SLC5A8: variants seen among roughly 807,000 people sequenced by gnomAD.
SLC5A8 encodes the protein solute carrier family 5 member 8.
SLC5A8 carries 55 observed loss-of-function variants against 71.9 expected under a neutral mutation model. That is an observed-to-expected ratio of 0.77 (90% CI 0.62 to 0.96). SLC5A8 has a LOEUF of 0.96. Among genes scored for constraint, SLC5A8 ranks in the 40% least tolerant of loss-of-function variants. The pLI is 0.00. For missense variants in SLC5A8, 701 were observed against 745.3 expected (o/e 0.94, Z 0.69); for synonymous variants, 307 against 276.1 (o/e 1.11, Z -1.11).
At position 101,186,180 on chromosome 12, in the gene SLC5A8, C is replaced by T. The variant is rs565060923; in HGVS notation, c.963+1206G>A. ...TTCATGATACAAACTACAGACAATACAGATTGATAACAGTCACAAAATATT... is the reference window on the plus strand; with the variant it reads ...TTCATGATACAAACTACAGACAATATAGATTGATAACAGTCACAAAATATT... On this transcript the variant is annotated intron_variant, in intron 7 of 14. Transcript: ENST00000536262. Among the ~76,000 whole-genome samples the T allele has an allele frequency of 6.8e-5, 10 of 146,024 alleles. No homozygotes were observed. In the East Asian group the frequency reaches 2.1e-3, roughly 31 times the overall value.
chr12:101,182,855 AG>A lies in SLC5A8; in HGVS notation c.1112del (p.Pro371LeufsTer18). Reference sequence around the variant, plus strand: ...ACCTTTCTGAGAGCGATCTGAAGTAAGGTTTGATTAGATCTTCCACAGTTAC... The same window carrying A: ...ACCTTTCTGAGAGCGATCTGAAGTAAGTTTGATTAGATCTTCCACAGTTAC... ...AAVTVEDLIKPYFRSLSERSL... is the reference protein window; with the variant it reads ...AAVTVEDLIKXYFRSLSERSL... On this transcript the variant is annotated frameshift_variant, in exon 9 of 15. Transcript: ENST00000536262. LOFTEE classifies it high-confidence loss of function. 1.3e-6 allele frequency: 2 copies of A among 1,595,276 alleles called. No individual in the cohort carries two copies. Among genetic ancestry groups the A allele is most frequent in the Non-Finnish European group, 1.7e-6 (2 of 1,173,234 alleles).
chr12:101,190,564 A>C lies in SLC5A8; in HGVS notation c.737T>G (p.Ile246Ser), dbSNP rs760081694. ...PLQRHTFWTI[I>S]IGGTFTWTSI... ...GGTCCATGTGAAGGTCCCTCCTATA[A>C]TAATTGTCCAGAAGGTGTGTCTTTG... The change falls in exon 6 of 15, where the codon ATT becomes AGT. Residue 246 changes from isoleucine (I) to serine (S), a missense_variant. By Grantham distance (142) the Ile-to-Ser change is moderately radical. Transcript: ENST00000536262. 2 of 1,613,360 alleles carry C rather than the reference A, an allele frequency of 1.2e-6. No individual in the cohort carries two copies. The highest frequency in any genetic ancestry group is 1.3e-5 in the African/African-American group (1 of 75,008).
chr12:101,155,982 A>G lies in SLC5A8; in HGVS notation c.*1297T>C, dbSNP rs1355308848. ...AAATTGAGTTTAAAAAAGAACTTTT[A>G]AACAGTATCTAATGTGGGAACTGTA... On this transcript the variant is annotated 3_prime_UTR_variant, in exon 15 of 15. Transcript: ENST00000536262. The G allele has an allele frequency of 1.3e-5, 2 of 152,148 alleles. No individual in the cohort carries two copies. Among genetic ancestry groups the G allele is most frequent in the Non-Finnish European group, 2.9e-5 (2 of 68,026 alleles). 9.4% of individuals were successfully genotyped at this position (152,148 alleles called of 1,614,324 possible). A position where few individuals can be genotyped will look rare whatever the true frequency, so the allele number is the denominator to read the frequency against.
At chr12:101,161,922 G>A in intron 13 of SLC5A8, 52 bp downstream of exon 13, 1 of 1,271,750 alleles carries the variant, frequency 7.9e-7, no homozygotes, top group East Asian at 2.3e-5. Context: ...AACAGATACA[G>A]TAAAAACTGA....
intron 1 of SLC5A8, among the ~76,000 whole-genome samples, chr12:101,206,797 G>A (rs139109446): frequency 6.6e-6 from 1 of 152,202 alleles, no homozygotes; most frequent in Non-Finnish European, 1.5e-5. Context: ...CACAGATTTA[G>A]TTGGCTCCAG....
In SLC5A8 at chr12:101,195,632, A is replaced by G. The variant is rs539868833; in HGVS notation, c.470-470T>C. ...GACAACACGAAAGGATTCAAATGTA[A>G]TCTTTATAACATTGCAGATTGCGGA... is the stretch of plus-strand genomic sequence containing the variant. On this transcript the variant is annotated intron_variant, in intron 3 of 14. Transcript: ENST00000536262. Among the ~76,000 whole-genome samples the G allele has an allele frequency of 2.1e-4, 32 of 152,160 alleles. No homozygotes were observed. In the South Asian group the frequency reaches 6.4e-3, roughly 31 times the overall value.
rs2051665021 is a variant in SLC5A8 at position 101,156,629 on chromosome 12, C to T, written c.*650G>A. The T allele has an allele frequency of 6.6e-6, 1 of 152,218 alleles. No individual in the cohort carries two copies. Among genetic ancestry groups the T allele is most frequent in the African/African-American group, 2.4e-5 (1 of 41,442 alleles). 9.4% of individuals were successfully genotyped at this position (152,218 alleles called of 1,614,324 possible). On this transcript the variant is annotated 3_prime_UTR_variant, in exon 15 of 15. Coordinates refer to ENST00000536262, the MANE Select transcript of SLC5A8 (RefSeq NM_145913.5). ...GCCAAAGCCCAGAAACTCTAGAAAACAAGCCAAAAGGCACAAGAATTAATG... is the reference window on the plus strand; with the variant it reads ...GCCAAAGCCCAGAAACTCTAGAAAATAAGCCAAAAGGCACAAGAATTAATG...
chr12:101,200,589 G>T (rs1869417830), intron 3 of SLC5A8, among the ~76,000 whole-genome samples: 1 of 152,046 alleles, frequency 6.6e-6, no homozygotes, highest in South Asian at 2.1e-4. Context: ...ACACTGACTT[G>T]ATATGAAATT....
intron 2 of SLC5A8, 93 bp downstream of exon 2, chr12:101,204,407 T>A: frequency 9.2e-7 from 1 of 1,088,416 alleles, no homozygotes; most frequent in South Asian, 1.4e-5. Flanking sequence ...CTCTTTTTTG[T>A]CTTTTATGTG....
intron 3 of SLC5A8, among the ~76,000 whole-genome samples, chr12:101,201,506 G>A (rs369674876): frequency 6.6e-6 from 1 of 152,182 alleles, no homozygotes; most frequent in African/African-American, 2.4e-5. Flanking sequence ...AAAGGGCATG[G>A]TGTTTCCCCA....
chr12:101,187,950 G>C (rs191168480), intron 6 of SLC5A8, among the ~76,000 whole-genome samples: 1 of 152,340 alleles, frequency 6.6e-6, no homozygotes, highest in African/African-American at 2.4e-5. Flanking sequence ...CATGAAACTT[G>C]TTTAAATGTT....
intron 9 of SLC5A8, among the ~76,000 whole-genome samples, chr12:101,181,677 A>G (rs1246473330): frequency 2.0e-5 from 3 of 152,226 alleles, no homozygotes; most frequent in African/African-American, 7.2e-5. Context: ...GTCTGGCTTC[A>G]AAAGCATCTA....
At chr12:101,191,890 C>G (rs1868928554) in intron 5 of SLC5A8, among the ~76,000 whole-genome samples, 1 of 152,136 alleles carries the variant, frequency 6.6e-6, no homozygotes, top group Admixed American at 6.5e-5. Flanking sequence ...TTAAAAATCT[C>G]TTACTAATGT....
chr12:101,202,252 A>G (rs774479710), intron 2 of SLC5A8, 37 bp from the exon 3 acceptor site: 1 of 1,474,046 alleles, frequency 6.8e-7, no homozygotes, highest in Non-Finnish European at 9.1e-7. Context: ...AATTATATGA[A>G]TTATAAAATT....
intron 10 of SLC5A8, among the ~76,000 whole-genome samples, chr12:101,176,554 C>G (rs2051881857): frequency 6.6e-6 from 1 of 152,032 alleles, no homozygotes. Flanking sequence ...CAGACCTCAA[C>G]AAGTTTAAAA....
chr12:101,195,523 C>A (rs1869132627), intron 3 of SLC5A8, among the ~76,000 whole-genome samples: 1 of 151,982 alleles, frequency 6.6e-6, no homozygotes. Flanking sequence ...TGTAATGTTG[C>A]AAATACCTGA....
At chr12:101,164,298 A>G (rs1244072693) in intron 12 of SLC5A8, among the ~76,000 whole-genome samples, 1 of 152,236 alleles carries the variant, frequency 6.6e-6, no homozygotes, top group Non-Finnish European at 1.5e-5. Flanking sequence ...AAAGACTTCA[A>G]TAACTAAGTC....
chr12:101,178,195 T>G (rs2051898751), intron 10 of SLC5A8, among the ~76,000 whole-genome samples: 1 of 152,176 alleles, frequency 6.6e-6, no homozygotes, highest in African/African-American at 2.4e-5. Context: ...GTTCATGTTT[T>G]AGAAAATTCA....
chr12:101,182,711 C>T (rs1809328869), intron 9 of SLC5A8, 92 bp downstream of exon 9: 3 of 793,602 alleles, frequency 3.8e-6, no homozygotes, highest in Non-Finnish European at 6.2e-6. Context: ...ATTCAGAGGT[C>T]CTTCCTCTGT....
Sources: gnomAD v4.1 joint callset for allele counts (sites outside exome capture counted in the v4.1 genomes callset) on GRCh38, gnomAD v4.1.1 for gene constraint, MANE v1.5 for transcripts, NCBI Gene and HGNC (gene_info 2026-07-23, HGNC 2026-07-21) for gene names.